The following CAMK4 variants were observed in gnomAD, a reference collection of about 807,000 sequenced individuals.
CAMK4 encodes calcium/calmodulin dependent protein kinase IV, also known as calcium/calmodulin-dependent protein kinase type IV.
Under a neutral mutation model 44.9 loss-of-function variants are expected in CAMK4, and 22 were observed. The observed-to-expected ratio is 0.49, with a 90% CI of 0.35 to 0.70. The LOEUF (loss-of-function observed/expected upper bound fraction) is 0.70. CAMK4 is among the 30% of genes least tolerant of loss of function. The pLI is 0.01. For synonymous variants in CAMK4, 218 were observed against 215.4 expected, an observed-to-expected ratio of 1.01 and a Z score of -0.11; for missense variants, 498 against 586.8, an observed-to-expected ratio of 0.85 and a Z score of 1.56.
chr5:111,334,723 T>C (rs190843123), intron 1 of CAMK4, among the ~76,000 whole-genome samples: 1 of 151,688 alleles, frequency 6.6e-6, no homozygotes, highest in East Asian at 2.0e-4. Flanking sequence ...GCTTTGCTTT[T>C]AAACCTTTTC....
intron 5 of CAMK4, among the ~76,000 whole-genome samples, chr5:111,418,812 T>C (rs766799950): frequency 1.3e-5 from 2 of 152,190 alleles, no homozygotes; most frequent in Non-Finnish European, 2.9e-5. Context: ...ATGGAGTATA[T>C]GGGCCACATT....
intron 2 of CAMK4, among the ~76,000 whole-genome samples, chr5:111,367,327 G>A (rs1434404816): frequency 6.6e-6 from 1 of 151,674 alleles, no homozygotes; most frequent in African/African-American, 2.4e-5. Flanking sequence ...CCAGGATGAC[G>A]GCAATAAATC....
At chr5:111,229,324 AAG>A (rs1748350585) in intron 1 of CAMK4, among the ~76,000 whole-genome samples, 1 of 152,182 alleles carries the variant, frequency 6.6e-6, no homozygotes, top group Admixed American at 6.5e-5. Context: ...GGAAGAGAGA[AAG>A]AGAGGGGAAG....
chr5:111,443,315 C>CACTA (rs1753908378), intron 5 of CAMK4, among the ~76,000 whole-genome samples: 1 of 107,556 alleles, frequency 9.3e-6, no homozygotes, highest in Non-Finnish European at 1.9e-5. Context: ...CACACACACA[C>CACTA]TATATATATA....
At position 111,493,924 on chromosome 5, in the gene CAMK4, A is replaced by AATT. The variant is rs1432322407; in HGVS notation, c.*9460_*9462dup. The AATT allele has an allele frequency of 6.6e-6, 1 of 152,164 alleles. No homozygotes were observed. The highest frequency in any genetic ancestry group is 1.5e-5 in the Non-Finnish European group (1 of 68,026). 9.4% of individuals were successfully genotyped at this position (152,164 alleles called of 1,614,324 possible). On this transcript the variant is annotated 3_prime_UTR_variant, in exon 11 of 11. Transcript: ENST00000282356. This position sits in a 1 kb window ranked among gnomAD's most constrained non-coding sequence, Gnocchi z 4.1. ...CATTTGAATGATGGAAGAGAAGTAG[A>AATT]ATTACTGTGAGGTTACAAAAATCGT...
At chr5:111,303,917 C>CTACAA (rs1747843033) in intron 1 of CAMK4, among the ~76,000 whole-genome samples, 1 of 128,914 alleles carries the variant, frequency 7.8e-6, no homozygotes, top group Non-Finnish European at 1.5e-5. Context: ...CCCTACAAGC[C>CTACAA]GGAAGAGAGT....
Position 111,378,213 on chromosome 5 carries a change from C to G in CAMK4, c.386+1271C>G, listed in dbSNP as rs78593519. ...TATGTAAGGACACAGCAAGAAGGTG[C>G]CTTCTATGAGAAAGCGGGCCCTCAC... On this transcript the variant is annotated intron_variant, in intron 4 of 10. Transcript: ENST00000282356. Among the ~76,000 whole-genome samples the G allele has an allele frequency of 5.2e-3, 794 of 152,166 alleles. 7 individuals are homozygous for G. The highest frequency in any genetic ancestry group is 0.018 in the African/African-American group (734 of 41,532).
chr5:111,313,158 A>AT (rs1748281609), intron 1 of CAMK4, among the ~76,000 whole-genome samples: 1 of 151,946 alleles, frequency 6.6e-6, no homozygotes, highest in South Asian at 2.1e-4. Flanking sequence ...TCTGCAGGAG[A>AT]GGGGGTCATC....
chr5:111,271,738 T>C (rs1016172377), intron 1 of CAMK4, among the ~76,000 whole-genome samples: 3 of 152,226 alleles, frequency 2.0e-5, no homozygotes, highest in African/African-American at 7.2e-5. Flanking sequence ...AGGCTTGTAC[T>C]TCATCTTTGC....
At chr5:111,480,783 TTAATAA>T (rs535902169) in intron 9 of CAMK4, among the ~76,000 whole-genome samples, 35 of 152,196 alleles carry the variant, frequency 2.3e-4, no homozygotes, top group Non-Finnish European at 4.0e-4. Context: ...ATCAACTAAC[TTAATAA>T]TAGTAATCTT....
chr5:111,473,304 T>A lies in CAMK4; in HGVS notation c.626-7T>A. ...CTAATTTAACACAATTTTCACTTTT[T>A]CTGCAGCACCTGAAATTCTTAGAGG... On this transcript the variant is annotated splice_region_variant and splice_polypyrimidine_tract_variant and intron_variant, in intron 7 of 10. Transcript: ENST00000282356. 6.2e-7 allele frequency: 1 copy of A among 1,602,262 alleles called. No homozygotes were observed. Among genetic ancestry groups the A allele is most frequent in the South Asian group, 1.1e-5 (1 of 90,522 alleles).
At chr5:111,342,987 T>C (rs184013559) in intron 1 of CAMK4, among the ~76,000 whole-genome samples, 4 of 151,804 alleles carry the variant, frequency 2.6e-5, no homozygotes, top group Non-Finnish European at 4.4e-5. Context: ...TATTTTTGCC[T>C]TAGTTATCTT....
intron 1 of CAMK4, among the ~76,000 whole-genome samples, chr5:111,288,590 C>T (rs191824862): frequency 2.0e-5 from 3 of 152,276 alleles, no homozygotes; most frequent in Non-Finnish European, 4.4e-5. Context: ...CCTATTCAGA[C>T]ATTTGCCTAT....
In CAMK4 at chr5:111,376,863, A is replaced by C; in HGVS notation, c.307A>C (p.Lys103Gln). Residue 103 changes from lysine (K) to glutamine (Q), a missense_variant, in exon 4 of 11, where the codon AAA (lysine) becomes CAA (glutamine). Physicochemically the swap from Lys to Gln is moderately conservative, Grantham distance 53. Transcript: ENST00000282356. Reference protein sequence around the residue: ...LLRLSHPNIIKLKEIFETPTE... With the variant: ...LLRLSHPNIIQLKEIFETPTE... ...TTTTTTTTATATCTTTCCCTAGATA[A>C]AACTTAAAGAGATATTTGAAACCCC... 4 of 1,567,374 alleles carry C rather than the reference A, an allele frequency of 2.6e-6. No individual in the cohort carries two copies. Among genetic ancestry groups the C allele is most frequent in the Non-Finnish European group, 3.5e-6 (4 of 1,143,752 alleles).
At chr5:111,453,834 T>A (rs1338236521) in intron 7 of CAMK4, among the ~76,000 whole-genome samples, 2 of 152,144 alleles carry the variant, frequency 1.3e-5, no homozygotes, top group African/African-American at 2.4e-5. Flanking sequence ...GTGAACAGTT[T>A]AGGATTGCCT....
intron 1 of CAMK4, among the ~76,000 whole-genome samples, chr5:111,336,865 A>G (rs17133082): frequency 0.061 from 9,156 of 151,044 alleles, 399 homozygotes; most frequent in East Asian, 0.21. Flanking sequence ...TTAAATGAAC[A>G]TAGAATGGGT....
chr5:111,410,559 G>T (rs1362602277), intron 5 of CAMK4, among the ~76,000 whole-genome samples: 7 of 152,094 alleles, frequency 4.6e-5, no homozygotes, highest in Admixed American at 3.9e-4. Flanking sequence ...GATGGGTTGG[G>T]ACCATAAAAT....
chr5:111,346,426 A>G lies in CAMK4; in HGVS notation c.240+2324A>G, dbSNP rs554552969. Among the ~76,000 whole-genome samples the G allele has an allele frequency of 2.6e-5, 4 of 151,930 alleles. No individual in the cohort carries two copies. In the South Asian group the frequency reaches 8.3e-4, roughly 32 times the overall value. On this transcript the variant is annotated intron_variant, in intron 2 of 10. Coordinates refer to ENST00000282356, the MANE Select transcript of CAMK4 (RefSeq NM_001744.6). ...TGGGACTACTATATTACTTCAATGGATGGTTTCTTCAGTCCTCATTTTATG... is the reference window on the plus strand; with the variant it reads ...TGGGACTACTATATTACTTCAATGGGTGGTTTCTTCAGTCCTCATTTTATG...
chr5:111,489,313 G>A lies in CAMK4; in HGVS notation c.*4847G>A, dbSNP rs374614113. 7.9e-5 allele frequency: 12 copies of A among 152,214 alleles called. No individual in the cohort carries two copies. The East Asian group carries it at 2.1e-3, about 27-fold the overall frequency. The allele number at this position is 152,214 out of a possible 1,614,324, so 9.4% of individuals were successfully genotyped here. ...AAACCACCCACAGTAACCAAGTTCAGTATTTCCTCTTTCTATATTTTGACC... is the reference window on the plus strand; with the variant it reads ...AAACCACCCACAGTAACCAAGTTCAATATTTCCTCTTTCTATATTTTGACC... On this transcript the variant is annotated 3_prime_UTR_variant, in exon 11 of 11. Transcript: ENST00000282356.
Sources: allele counts gnomAD v4.1 joint callset (sites outside exome capture counted in the v4.1 genomes callset), GRCh38; gene constraint gnomAD v4.1.1; non-coding constraint Gnocchi (gnomAD v3.1); transcripts MANE v1.5; gene names NCBI Gene and HGNC (gene_info 2026-07-23, HGNC 2026-07-21).